Variants in RREB1 observed in about 807,000 individuals in gnomAD.
RREB1 encodes ras responsive element binding protein 1.
A neutral mutation model predicts 117.8 loss-of-function variants in RREB1; 27 were observed. The ratio of observed to expected loss-of-function variants is 0.23; its 90% confidence interval spans 0.17 to 0.32. RREB1 has a LOEUF of 0.32. RREB1 is among the 10% of genes least tolerant of loss of function. The probability of loss-of-function intolerance (pLI) is 1.00; values close to 1 mark genes in which losing one functional copy is unlikely to be tolerated. For missense variants in RREB1, 2,577 were observed against 2,378.2 expected (o/e 1.08, Z -1.74); for synonymous variants, 1,298 against 1,026.7 (o/e 1.26, Z -5.05).
chr6:7,211,505 T>G, intron 7 of RREB1, 68 bp from the exon 8 acceptor site: 1 of 1,391,544 alleles, frequency 7.2e-7, no homozygotes, highest in South Asian at 1.2e-5. Context: ...AATTTAGCAT[T>G]GGCCTCTCTT....
At chr6:7,125,973 G>A (rs944298528) in intron 1 of RREB1, among the ~76,000 whole-genome samples, 2 of 145,792 alleles carry the variant, frequency 1.4e-5, no homozygotes, top group Non-Finnish European at 3.1e-5. Flanking sequence ...TCCTGTCTGC[G>A]GAGAAGGACT....
At chr6:7,139,597 C>T (rs1024337429) in intron 1 of RREB1, among the ~76,000 whole-genome samples, 1 of 151,834 alleles carries the variant, frequency 6.6e-6, no homozygotes, top group Non-Finnish European at 1.5e-5. Flanking sequence ...AAATATTCGA[C>T]AATATAACTG....
intron 6 of RREB1, among the ~76,000 whole-genome samples, chr6:7,208,963 T>C (rs1260219142): frequency 6.6e-6 from 1 of 152,170 alleles, no homozygotes; most frequent in Non-Finnish European, 1.5e-5. Flanking sequence ...GCTCTGAGGC[T>C]ATGGGCAGGT....
At chr6:7,175,019 CA>C (rs1198730278) in intron 1 of RREB1, among the ~76,000 whole-genome samples, 2 of 151,890 alleles carry the variant, frequency 1.3e-5, no homozygotes, top group Non-Finnish European at 2.9e-5. Flanking sequence ...GAGATCTTGG[CA>C]GTTTCTAGAA....
chr6:7,249,126 G>T lies in RREB1; in HGVS notation c.*158G>T. On this transcript the variant is annotated 3_prime_UTR_variant, in exon 13 of 13. Transcript: ENST00000379938. ...GAGACAAGCAGGAGCGTGGCTGCTCGCTCAGTGCCATAGCCTTACCGCAGC... is the reference window on the plus strand; with the variant it reads ...GAGACAAGCAGGAGCGTGGCTGCTCTCTCAGTGCCATAGCCTTACCGCAGC... 3.0e-6 allele frequency: 2 copies of T among 671,386 alleles called. No individual in the cohort carries two copies. The highest frequency in any genetic ancestry group is 6.4e-5 in the Admixed American group (2 of 31,470). 41.6% of individuals were successfully genotyped at this position (671,386 alleles called of 1,614,324 possible).
In RREB1 at chr6:7,231,895, C is replaced by G. The variant is rs1768008809; in HGVS notation, c.3796C>G (p.Leu1266Val). 6.3e-7 allele frequency: 1 copy of G among 1,598,798 alleles called. No homozygotes were observed. The highest frequency in any genetic ancestry group is 1.3e-5 in the African/African-American group (1 of 74,806). The change falls in exon 10 of 13, where the codon CTC (leucine) becomes GTC (valine). Residue 1266 changes from leucine (L) to valine (V), a missense_variant. Physicochemically the swap from Leu to Val is conservative, Grantham distance 32. Transcript: ENST00000379938. ...GGCCAGCTCCCTACAGAGGCACATG[C>G]TCACACACACTGGTAAGAGGGCCAC... ...PWASSLQRHM[L>V]THTGQKPFPC... is the part of the protein sequence containing the mutation.
At chr6:7,178,826 C>T (rs1039394325) in intron 2 of RREB1, among the ~76,000 whole-genome samples, 1 of 152,062 alleles carries the variant, frequency 6.6e-6, no homozygotes, top group African/African-American at 2.4e-5. Context: ...TGGGTAGTGT[C>T]ACACTTTATA....
intron 8 of RREB1, chr6:7,213,886 A>G (rs1409766154): frequency 6.6e-6 from 1 of 152,244 alleles, no homozygotes; most frequent in Non-Finnish European, 1.5e-5. Context: ...ACCCCCTTCT[A>G]GATAATTCTG....
At chr6:7,221,018 C>T (rs994642726) in intron 8 of RREB1, among the ~76,000 whole-genome samples, 1 of 152,168 alleles carries the variant, frequency 6.6e-6, no homozygotes, top group African/African-American at 2.4e-5. Context: ...AAAGCTTTCT[C>T]CTTGGGGCCT....
rs1001784333 is a variant in RREB1, at chr6:7,181,837, C to T, written c.-42-33C>T. 8 of 1,506,956 alleles carry T rather than the reference C, an allele frequency of 5.3e-6. No homozygotes were observed. In the Middle Eastern group the frequency reaches 6.8e-4, roughly 128 times the overall value. The allele number at this position is 1,506,956 out of a possible 1,614,324, so 93.3% of individuals were successfully genotyped here. On this transcript the variant is annotated intron_variant, in intron 3 of 12. Transcript: ENST00000379938. ...TGGCAATGACAGAAGCCTAAACTTC[C>T]CCATGATCACATCAGCAATTTCCAA...
intron 2 of RREB1, among the ~76,000 whole-genome samples, chr6:7,180,821 C>T (rs1201237098): frequency 6.6e-6 from 1 of 152,164 alleles, no homozygotes; most frequent in Non-Finnish European, 1.5e-5. Context: ...GGGACTGAGG[C>T]ACAGTGTGAA....
chr6:7,114,158 G>T (rs1200908621), intron 1 of RREB1, among the ~76,000 whole-genome samples: 1 of 152,168 alleles, frequency 6.6e-6, no homozygotes, highest in African/African-American at 2.4e-5. Flanking sequence ...GAGTCTTGCT[G>T]TCGCCCAGGA....
intron 1 of RREB1, among the ~76,000 whole-genome samples, chr6:7,153,698 G>C (rs918477475): frequency 6.6e-6 from 1 of 152,308 alleles, no homozygotes; most frequent in South Asian, 2.1e-4. Context: ...TAAGACTGAT[G>C]ATGTGGGCAT....
Position 7,181,986 on chromosome 6 carries a change from G to T in RREB1, c.75G>T (p.Met25Ile). ...SSINTMMSAVMSVGKVTENGG... is the reference protein window; with the variant it reads ...SSINTMMSAVISVGKVTENGG... ...TCAACACCATGATGTCGGCGGTCAT[G>T]AGTGTAGGGAAGGTCACAGAGAATG... is the stretch of plus-strand genomic sequence containing the variant. The change falls in exon 4 of 13, where the codon ATG becomes ATT. Residue 25 changes from methionine to isoleucine, a missense_variant. By Grantham distance (10) the Met-to-Ile change is conservative. Coordinates refer to ENST00000379938, the MANE Select transcript of RREB1 (RefSeq NM_001003699.4). 6.2e-7 allele frequency: 1 copy of T among 1,614,230 alleles called. No individual in the cohort carries two copies. Among genetic ancestry groups the T allele is most frequent in the Non-Finnish European group, 8.5e-7 (1 of 1,180,016 alleles).
At chr6:7,239,467 G>A (rs772027223) in intron 10 of RREB1, among the ~76,000 whole-genome samples, 29 of 151,890 alleles carry the variant, frequency 1.9e-4, no homozygotes, top group Non-Finnish European at 4.3e-4. Flanking sequence ...ACATGCATCC[G>A]CACAAACCCA....
At chr6:7,133,213 G>A (rs998925176) in intron 1 of RREB1, among the ~76,000 whole-genome samples, 3 of 152,084 alleles carry the variant, frequency 2.0e-5, no homozygotes, top group African/African-American at 7.2e-5. Context: ...AGATGCAGGG[G>A]GCAGGCTTGA....
chr6:7,242,838 A>G (rs917030182), intron 11 of RREB1, among the ~76,000 whole-genome samples: 7 of 152,136 alleles, frequency 4.6e-5, no homozygotes, highest in African/African-American at 1.7e-4. Context: ...AAAGTCCCCC[A>G]AAAGAATGCT....
At chr6:7,164,859 A>C (rs1763847123) in intron 1 of RREB1, among the ~76,000 whole-genome samples, 1 of 152,256 alleles carries the variant, frequency 6.6e-6, no homozygotes, top group Non-Finnish European at 1.5e-5. Flanking sequence ...GTGCAAGGAC[A>C]TGGTGTTCTG....
intron 8 of RREB1, chr6:7,212,030 G>A (rs1016317307): frequency 1.5e-5 from 5 of 323,210 alleles, no homozygotes; most frequent in Admixed American, 4.5e-5. Flanking sequence ...GATTTTCTTC[G>A]CAAAAGATGT....
Sources: gnomAD v4.1 joint callset for allele counts (sites outside exome capture counted in the v4.1 genomes callset) on GRCh38, gnomAD v4.1.1 for gene constraint, MANE v1.5 for transcripts, NCBI Gene and HGNC (gene_info 2026-07-23, HGNC 2026-07-21) for gene names.